The following PLB1 variants were observed in gnomAD, a reference collection of about 807,000 sequenced individuals.
PLB1 encodes phospholipase B1.
PLB1 carries 242 observed loss-of-function variants against 227.4 expected under a neutral mutation model. That is an observed-to-expected ratio of 1.06 (90% CI 0.96 to 1.18). PLB1 has a LOEUF of 1.18. Ranked by LOEUF, PLB1 falls within the 50% of genes most tolerant of loss-of-function variation. The probability of loss-of-function intolerance (pLI) is 0.00; values close to 1 mark genes in which losing one functional copy is unlikely to be tolerated. For missense variants in PLB1, 1,858 were observed against 1,816.3 expected, an observed-to-expected ratio of 1.02 and a Z score of -0.42; for synonymous variants, 757 against 682.2, an observed-to-expected ratio of 1.11 and a Z score of -1.71.
At chr2:28,598,846 T>G (rs1453118300) in intron 35 of PLB1, 86 bp downstream of exon 35, 1 of 1,192,624 alleles carries the variant, frequency 8.4e-7, no homozygotes, top group Non-Finnish European at 1.2e-6. Context: ...CTGGCCTCTA[T>G]GTGCAAAGGG....
rs201916099 is a variant in PLB1, at chr2:28,548,971, G to A, written c.1008+40G>A. 1.5e-5 allele frequency: 24 copies of A among 1,596,964 alleles called. No homozygotes were observed. In the South Asian group the frequency reaches 2.1e-4, roughly 14 times the overall value. On this transcript the variant is annotated intron_variant, in intron 15 of 57. Coordinates refer to ENST00000327757, the MANE Select transcript of PLB1 (RefSeq NM_153021.5). Reference sequence around the variant, plus strand: ...GCAGAGGAGGGACTCTTATTGAATCGAGGGCGCAGGTGGGGTGGCCAAGTG... The same window carrying A: ...GCAGAGGAGGGACTCTTATTGAATCAAGGGCGCAGGTGGGGTGGCCAAGTG...
chr2:28,567,098 A>G (rs1677081167), intron 20 of PLB1, among the ~76,000 whole-genome samples: 1 of 152,194 alleles, frequency 6.6e-6, no homozygotes, highest in Non-Finnish European at 1.5e-5. Context: ...GTGTTTGACC[A>G]AAGGAGGAAG....
intron 21 of PLB1, among the ~76,000 whole-genome samples, chr2:28,576,204 C>A (rs143327716): frequency 2.6e-4 from 39 of 152,258 alleles, no homozygotes; most frequent in Middle Eastern, 3.4e-3. Context: ...GTATTACAAT[C>A]GAAGAAACTA....
At chr2:28,602,406 G>A (rs1357245362) in intron 38 of PLB1, among the ~76,000 whole-genome samples, 2 of 152,224 alleles carry the variant, frequency 1.3e-5, no homozygotes, top group Non-Finnish European at 1.5e-5. Flanking sequence ...CCCTGGCTGC[G>A]TGAGACAGGG....
chr2:28,625,766 C>T (rs1475331456), intron 50 of PLB1, among the ~76,000 whole-genome samples: 1 of 152,230 alleles, frequency 6.6e-6, no homozygotes, highest in East Asian at 1.9e-4. Flanking sequence ...TTTGGGGGGA[C>T]GTGGTAATCC....
chr2:28,521,992 A>G (rs976593156), intron 4 of PLB1, among the ~76,000 whole-genome samples: 3 of 151,718 alleles, frequency 2.0e-5, no homozygotes, highest in Non-Finnish European at 4.4e-5. Context: ...TGCAAGCCCC[A>G]GCCCACCACT....
At chr2:28,581,607 G>A (rs1259692278) in intron 23 of PLB1, among the ~76,000 whole-genome samples, 1 of 152,100 alleles carries the variant, frequency 6.6e-6, no homozygotes, top group Non-Finnish European at 1.5e-5. Flanking sequence ...CATGGGGCTG[G>A]TGTCCAGGCT....
intron 56 of PLB1, among the ~76,000 whole-genome samples, chr2:28,639,831 C>T (rs1401128907): frequency 6.6e-6 from 1 of 152,166 alleles, no homozygotes; most frequent in African/African-American, 2.4e-5. Flanking sequence ...TGCTTTCATG[C>T]CATCTTCTCA....
At chr2:28,589,965 G>T (rs769605675) in intron 28 of PLB1, 40 bp from the exon 29 acceptor site, 1 of 1,572,852 alleles carries the variant, frequency 6.4e-7, no homozygotes, top group Non-Finnish European at 8.8e-7. Flanking sequence ...CATTCTGGCC[G>T]CCTCTTCCTC....
chr2:28,546,272 C>T lies in PLB1; in HGVS notation c.937-2588C>T, dbSNP rs116513501. 9.2e-3 allele frequency among the ~76,000 whole-genome samples: 1,396 copies of T among 152,220 alleles called. 24 individuals carry two copies. The highest frequency in any genetic ancestry group is 0.031 in the African/African-American group (1,304 of 41,526). On this transcript the variant is annotated intron_variant, in intron 14 of 57. Transcript: ENST00000327757. Reference sequence around the variant, plus strand: ...TGTACATCAGTCGTTTTGAAGGGGACCCACCTTTAGGGAACTGATGTCCCT... The same window carrying T: ...TGTACATCAGTCGTTTTGAAGGGGATCCACCTTTAGGGAACTGATGTCCCT...
intron 21 of PLB1, among the ~76,000 whole-genome samples, chr2:28,575,122 A>G (rs184394595): frequency 3.3e-5 from 5 of 152,246 alleles, no homozygotes; most frequent in African/African-American, 1.2e-4. Context: ...ACTAGTTTAC[A>G]TTCCCACCAG....
rs1305982637 is a variant in PLB1 at position 28,604,514 on chromosome 2, A to G, written c.2857-141A>G. ...ATTCTCTGGAAAGGGACTTGCCCTC[A>G]GGTGATTTGTGTTCTCAAGGGAAAG... On this transcript the variant is annotated intron_variant, in intron 40 of 57. Transcript: ENST00000327757. 10 of 607,184 alleles carry G rather than the reference A, an allele frequency of 1.6e-5. No individual in the cohort carries two copies. In the East Asian group the frequency reaches 2.6e-4, roughly 16 times the overall value. 37.6% of individuals were successfully genotyped at this position (607,184 alleles called of 1,614,324 possible).
chr2:28,636,019 A>ATGTGTGTG (rs540787508), intron 56 of PLB1, among the ~76,000 whole-genome samples: 2 of 98,284 alleles, frequency 2.0e-5, no homozygotes, highest in Admixed American at 1.2e-4. Context: ...GTATGTATGA[A>ATGTGTGTG]TGTGTGTGTA....
chr2:28,525,427 A>G (rs1670110627), intron 5 of PLB1, 120 bp downstream of exon 5: 1 of 1,101,764 alleles, frequency 9.1e-7, no homozygotes, highest in Non-Finnish European at 1.3e-6. Context: ...GCTCAAGGCT[A>G]CCCTCTGAGA....
At chr2:28,537,720 G>GAT (rs1194994036) in intron 9 of PLB1, among the ~76,000 whole-genome samples, 3 of 147,230 alleles carry the variant, frequency 2.0e-5, no homozygotes, top group Non-Finnish European at 3.0e-5. Flanking sequence ...TTCATTTGTT[G>GAT]ATTTTCATGA....
At chr2:28,579,493 G>A in intron 22 of PLB1, 134 bp from the exon 23 acceptor site, 1 of 638,866 alleles carries the variant, frequency 1.6e-6, no homozygotes, top group East Asian at 3.0e-5. Context: ...TAAAAGCAAG[G>A]AACAGAAAAT....
rs370400790 is a variant in PLB1 at position 28,581,504 on chromosome 2, AAT to A, written c.1567-562_1567-561del. On this transcript the variant is annotated intron_variant, in intron 23 of 57. Transcript: ENST00000327757. ...ACGCAAAAAAATAAATAAATAAATA[AAT>A]AAATAAATAAATAAATAAATAAATA... is the stretch of plus-strand genomic sequence containing the variant. Among the ~76,000 whole-genome samples the A allele has an allele frequency of 9.4e-3, 1,238 of 131,444 alleles. 28 individuals are homozygous for A. The highest frequency in any genetic ancestry group is 0.024 in the Middle Eastern group (6 of 252). 86.2% of individuals were successfully genotyped at this position (131,444 alleles called of 152,430 possible). A position where few individuals can be genotyped will look rare whatever the true frequency, so the allele number is the denominator to read the frequency against.
At chr2:28,580,326 C>T (rs1376802057) in intron 23 of PLB1, among the ~76,000 whole-genome samples, 1 of 152,244 alleles carries the variant, frequency 6.6e-6, no homozygotes, top group Non-Finnish European at 1.5e-5. Flanking sequence ...TCCTCAGGAA[C>T]TTGCACTGCC....
intron 16 of PLB1, 66 bp from the exon 17 acceptor site, chr2:28,552,862 C>T: frequency 7.5e-7 from 1 of 1,333,328 alleles, no homozygotes; most frequent in Non-Finnish European, 1.1e-6. Flanking sequence ...ATAGAGGCCC[C>T]ACTTCTCACC....
Sources: gnomAD v4.1 joint callset for allele counts (sites outside exome capture counted in the v4.1 genomes callset) on GRCh38, gnomAD v4.1.1 for gene constraint, MANE v1.5 for transcripts, NCBI Gene and HGNC (gene_info 2026-07-23, HGNC 2026-07-21) for gene names.